Variants in DNAAF9 observed in about 807,000 individuals in gnomAD.
DNAAF9 encodes the protein dynein axonemal assembly factor 9.
DNAAF9 carries 90 observed loss-of-function variants against 167.0 expected under a neutral mutation model. The ratio of observed to expected loss-of-function variants is 0.54; its 90% CI spans 0.45 to 0.64. The LOEUF is 0.64. DNAAF9 is among the 30% of genes least tolerant of loss of function. The probability of loss-of-function intolerance (pLI) is 0.00; values close to 1 mark genes in which losing one functional copy is unlikely to be tolerated. For missense variants in DNAAF9, 1,315 were observed against 1,442.2 expected (o/e 0.91, Z 1.43); for synonymous variants, 491 against 508.8 (o/e 0.96, Z 0.47).
At chr20:3,316,497 G>A (rs1253134003) in intron 18 of DNAAF9, among the ~76,000 whole-genome samples, 1 of 151,302 alleles carries the variant, frequency 6.6e-6, no homozygotes, top group Non-Finnish European at 1.5e-5. Flanking sequence ...AGTGACCCAC[G>A]TAACTTTGTT....
chr20:3,319,802 CAA>C (rs2069582135), intron 16 of DNAAF9, among the ~76,000 whole-genome samples: 1 of 152,192 alleles, frequency 6.6e-6, no homozygotes, highest in Non-Finnish European at 1.5e-5. Context: ...ATAGGATATA[CAA>C]AAGAGACAAG....
intron 6 of DNAAF9, among the ~76,000 whole-genome samples, chr20:3,364,947 CTTTTTTTTTTTT>C (rs80087421): frequency 1.1e-5 from 1 of 87,594 alleles, no homozygotes; most frequent in Admixed American, 1.2e-4. Context: ...TTCCTTTTTT[CTTTTTTTTTTTT>C]TTGAAATAGA....
At chr20:3,350,356 G>T (rs1202456967) in intron 7 of DNAAF9, among the ~76,000 whole-genome samples, 1 of 151,928 alleles carries the variant, frequency 6.6e-6, no homozygotes, top group African/African-American at 2.4e-5. Flanking sequence ...TGACAGTGCT[G>T]ATAGTGTTTT....
intron 1 of DNAAF9, among the ~76,000 whole-genome samples, chr20:3,384,647 T>G (rs1031069965): frequency 1.9e-4 from 29 of 151,910 alleles, no homozygotes; most frequent in Non-Finnish European, 3.2e-4. Context: ...TAGCTGGGAT[T>G]ACAGGCATGC....
chr20:3,349,663 C>T (rs1473725130), intron 7 of DNAAF9, among the ~76,000 whole-genome samples: 1 of 152,144 alleles, frequency 6.6e-6, no homozygotes, highest in Non-Finnish European at 1.5e-5. Context: ...ATTCCCCATC[C>T]CAGCTGCTTT....
chr20:3,322,894 A>T (rs780647473), intron 14 of DNAAF9, among the ~76,000 whole-genome samples, 198 bp from the exon 15 acceptor site: 4 of 151,956 alleles, frequency 2.6e-5, no homozygotes, highest in Non-Finnish European at 4.4e-5. Flanking sequence ...ATCTGACTCT[A>T]ATCACAGCCC....
intron 14 of DNAAF9, 99 bp from the exon 15 acceptor site, chr20:3,322,795 A>T: frequency 2.3e-6 from 2 of 851,604 alleles, no homozygotes; most frequent in Non-Finnish European, 4.1e-6. Flanking sequence ...CCACACAGTG[A>T]GGTGTGTGTC....
chr20:3,296,187 T>A, intron 23 of DNAAF9: 1 of 560,562 alleles, frequency 1.8e-6, no homozygotes, highest in African/African-American at 1.9e-5. Flanking sequence ...GAGGATAACC[T>A]GAGCCTAGGA....
At chr20:3,384,969 A>C (rs768697698) in intron 1 of DNAAF9, among the ~76,000 whole-genome samples, 5 of 151,906 alleles carry the variant, frequency 3.3e-5, no homozygotes, top group Non-Finnish European at 7.4e-5. Flanking sequence ...ATCTTTATAA[A>C]TTATATGAAT....
At chr20:3,317,503 C>T (rs981497212) in intron 17 of DNAAF9, among the ~76,000 whole-genome samples, 1 of 152,000 alleles carries the variant, frequency 6.6e-6, no homozygotes, top group African/African-American at 2.4e-5. Context: ...GCTCATTCTA[C>T]CATTCTTTAG....
At chr20:3,361,848 G>C in intron 6 of DNAAF9, 1 of 1,447,776 alleles carries the variant, frequency 6.9e-7, no homozygotes, top group Non-Finnish European at 9.5e-7. Flanking sequence ...ATGTTGGGGG[G>C]AAGGGGAAGG....
chr20:3,270,276 G>T, intron 30 of DNAAF9, 151 bp downstream of exon 30: 1 of 652,978 alleles, frequency 1.5e-6, no homozygotes, highest in East Asian at 2.6e-5. Flanking sequence ...CCGAGTAGCT[G>T]GGACTATAGG....
At chr20:3,382,759 C>A (rs975001376) in intron 1 of DNAAF9, among the ~76,000 whole-genome samples, 1 of 151,948 alleles carries the variant, frequency 6.6e-6, no homozygotes, top group Admixed American at 6.6e-5. Context: ...AACTCCTCAA[C>A]AGAGGATGAA....
In DNAAF9 at chr20:3,353,985, A is replaced by G. The variant is rs141126019; in HGVS notation, c.691-5362T>C. On this transcript the variant is annotated intron_variant, in intron 7 of 36. Transcript: ENST00000252032. ...GCTCCATGCACATTCTATTTTTCCA[A>G]TGCAAGATGCAATGACTCTTATTAA... is the stretch of plus-strand genomic sequence containing the variant. 2.5e-3 allele frequency among the ~76,000 whole-genome samples: 380 copies of G among 152,306 alleles called. 1 individual carries two copies. The highest frequency in any genetic ancestry group is 8.3e-3 in the African/African-American group (346 of 41,564).
At chr20:3,361,993 A>T in intron 6 of DNAAF9, 1 of 1,528,324 alleles carries the variant, frequency 6.5e-7, no homozygotes, top group Non-Finnish European at 9.1e-7. Context: ...GAATTCTGCC[A>T]TTTTGCTAGC....
intron 8 of DNAAF9, among the ~76,000 whole-genome samples, chr20:3,346,691 G>T (rs1054551062): frequency 6.6e-6 from 1 of 152,094 alleles, no homozygotes; most frequent in Non-Finnish European, 1.5e-5. Flanking sequence ...CAAGAGGTTT[G>T]TTACCTACTG....
At chr20:3,370,415 A>AT (rs377469708) in intron 6 of DNAAF9, among the ~76,000 whole-genome samples, 19,485 of 144,258 alleles carry the variant, frequency 0.14, 1,299 homozygotes, top group Middle Eastern at 0.18. Context: ...TGCCTCGCTA[A>AT]TTTTTTTTTT....
chr20:3,326,162 T>C lies in DNAAF9; in HGVS notation c.1188+35A>G, dbSNP rs373205757. The C allele has an allele frequency of 1.3e-5, 18 of 1,355,388 alleles. No homozygotes were observed. In the Admixed American group the frequency reaches 1.9e-4, roughly 14 times the overall value. The allele number at this position is 1,355,388 out of a possible 1,614,324, so 84.0% of individuals were successfully genotyped here. A position where few individuals can be genotyped will look rare whatever the true frequency, so the allele number is the denominator to read the frequency against. On this transcript the variant is annotated intron_variant, in intron 13 of 36. Transcript: ENST00000252032. The stretch of plus-strand genomic sequence containing the variant: ...GATAGAATGTTTTACATTAAAATAA[T>C]AATTACAGAAAGGGAAACATGGTAT...
At chr20:3,394,949 CTT>C in intron 1 of DNAAF9, among the ~76,000 whole-genome samples, 1 of 102,132 alleles carries the variant, frequency 9.8e-6, no homozygotes, top group Non-Finnish European at 1.9e-5. Context: ...TTTCTTTTTT[CTT>C]TTTTTTTTTT....
Sources: allele counts gnomAD v4.1 joint callset (sites outside exome capture counted in the v4.1 genomes callset), GRCh38; gene constraint gnomAD v4.1.1; transcripts MANE v1.5; gene names NCBI Gene and HGNC (gene_info 2026-07-23, HGNC 2026-07-21).